The following STPG2 variants were observed in gnomAD, a reference collection of about 807,000 sequenced individuals.
The protein encoded by STPG2 is sperm tail PG-rich repeat containing 2, also known as sperm-tail PG-rich repeat-containing protein 2.
STPG2 carries 56 observed loss-of-function variants against 54.2 expected under a neutral mutation model. That is an observed-to-expected ratio of 1.03 (90% CI 0.83 to 1.29). STPG2 has a LOEUF of 1.29. STPG2 is among the 50% of genes most tolerant of loss of function. The pLI, the probability that STPG2 is intolerant of heterozygous loss-of-function variation, is 0.00. For synonymous variants in STPG2, 200 were observed against 181.8 expected (o/e 1.10, Z -0.81); for missense variants, 596 against 544.9 (o/e 1.09, Z -0.93).
intron 5 of STPG2, among the ~76,000 whole-genome samples, chr4:98,062,727 A>G (rs956819565): frequency 2.0e-5 from 3 of 152,096 alleles, no homozygotes; most frequent in African/African-American, 4.8e-5. Context: ...GAATTAAAAG[A>G]AGATGATGGT....
At chr4:98,085,418 C>T (rs1425292597) in intron 5 of STPG2, among the ~76,000 whole-genome samples, 1 of 152,038 alleles carries the variant, frequency 6.6e-6, no homozygotes, top group Non-Finnish European at 1.5e-5. Flanking sequence ...TCTGCAAAAA[C>T]TTCTGCTAGG....
intron 5 of STPG2, among the ~76,000 whole-genome samples, chr4:98,060,123 T>A (rs1270427890): frequency 1.3e-5 from 2 of 152,136 alleles, no homozygotes; most frequent in Non-Finnish European, 2.9e-5. Flanking sequence ...AGACAGGAAG[T>A]CAAACTATCT....
intron 8 of STPG2, among the ~76,000 whole-genome samples, chr4:97,907,189 G>A (rs1731465779): frequency 1.3e-5 from 2 of 151,638 alleles, no homozygotes; most frequent in Admixed American, 6.6e-5. Flanking sequence ...CAAAATCAAT[G>A]TACAAAAATC....
chr4:98,089,223 GT>G (rs1738613636), intron 5 of STPG2, among the ~76,000 whole-genome samples: 1 of 151,894 alleles, frequency 6.6e-6, no homozygotes, highest in African/African-American at 2.4e-5. Context: ...TACCCTCTGA[GT>G]CCCCAAAGTC....
intron 4 of STPG2, among the ~76,000 whole-genome samples, chr4:97,538,233 A>G (rs1731587738): frequency 6.6e-6 from 1 of 152,210 alleles, no homozygotes; most frequent in Non-Finnish European, 1.5e-5. Context: ...GCTTCAGACA[A>G]TCAAACTTCT....
intron 10 of STPG2, among the ~76,000 whole-genome samples, chr4:97,599,996 C>A (rs560753461): frequency 6.6e-6 from 1 of 152,116 alleles, no homozygotes; most frequent in South Asian, 2.1e-4. Flanking sequence ...CACAGAAAAC[C>A]AAATAGTGCA....
chr4:97,880,359 T>C, intron 8 of STPG2, among the ~76,000 whole-genome samples: 1 of 152,184 alleles, frequency 6.6e-6, no homozygotes. Flanking sequence ...AAATAGCAAC[T>C]GGCAAAGACA....
At chr4:97,973,471 CA>C (rs909784915) in intron 6 of STPG2, among the ~76,000 whole-genome samples, 1 of 152,116 alleles carries the variant, frequency 6.6e-6, no homozygotes, top group African/African-American at 2.4e-5. Context: ...GATAGAAAAA[CA>C]AAAACCCATT....
At chr4:97,686,295 T>C (rs999522672) in intron 10 of STPG2, among the ~76,000 whole-genome samples, 9 of 152,022 alleles carry the variant, frequency 5.9e-5, no homozygotes, top group African/African-American at 1.7e-4. Context: ...GACTCAATTG[T>C]CTATTGATCC....
chr4:97,757,289 C>G (rs990050979), intron 9 of STPG2, among the ~76,000 whole-genome samples: 1 of 152,132 alleles, frequency 6.6e-6, no homozygotes, highest in African/African-American at 2.4e-5. Flanking sequence ...ACCTTCCCCC[C>G]ATATAAAGTT....
At chr4:97,822,251 A>G (rs1728117031) in intron 9 of STPG2, among the ~76,000 whole-genome samples, 2 of 152,246 alleles carry the variant, frequency 1.3e-5, no homozygotes, top group Non-Finnish European at 2.9e-5. Flanking sequence ...GCTAAGGCAT[A>G]ACATGAGTTA....
chr4:97,663,942 T>G (rs1406189531), intron 10 of STPG2, among the ~76,000 whole-genome samples: 1 of 152,166 alleles, frequency 6.6e-6, no homozygotes, highest in Admixed American at 6.5e-5. Flanking sequence ...GCACCCTACA[T>G]GCAAAATTTC....
intron 8 of STPG2, among the ~76,000 whole-genome samples, chr4:97,857,610 T>C (rs986735529): frequency 2.0e-5 from 3 of 152,120 alleles, no homozygotes; most frequent in Admixed American, 6.6e-5. Context: ...GTCTCCTGGA[T>C]TCATTCATTT....
intron 9 of STPG2, among the ~76,000 whole-genome samples, chr4:97,788,944 A>C (rs1726910027): frequency 6.6e-6 from 1 of 152,006 alleles, no homozygotes; most frequent in Admixed American, 6.6e-5. Context: ...CTAACTCTTA[A>C]AAATAATTAG....
At chr4:97,468,166 C>A (rs1257551321) in intron 4 of STPG2, among the ~76,000 whole-genome samples, 1 of 151,940 alleles carries the variant, frequency 6.6e-6, no homozygotes, top group African/African-American at 2.4e-5. Flanking sequence ...TCAGTTAGTA[C>A]ACAAAATATT....
chr4:97,864,076 T>G (rs1211711042), intron 8 of STPG2, among the ~76,000 whole-genome samples: 1 of 152,114 alleles, frequency 6.6e-6, no homozygotes, highest in Non-Finnish European at 1.5e-5. Context: ...CTATTCAACA[T>G]AGTGTTGGAA....
intron 10 of STPG2, among the ~76,000 whole-genome samples, chr4:97,661,883 G>A (rs1722385476): frequency 6.6e-6 from 1 of 152,084 alleles, no homozygotes. Context: ...CAAGAATGGT[G>A]GATTATAAGA....
intron 9 of STPG2, among the ~76,000 whole-genome samples, chr4:97,721,856 C>T (rs1470041066): frequency 6.6e-6 from 1 of 151,976 alleles, no homozygotes; most frequent in African/African-American, 2.4e-5. Flanking sequence ...AACATTTAAA[C>T]AACCAATATC....
chr4:97,988,061 CACACAT>C lies in STPG2; in HGVS notation c.613-6749_613-6744del, dbSNP rs1440011324. 4.9e-4 allele frequency among the ~76,000 whole-genome samples: 75 copies of C among 151,804 alleles called. 1 individual carries two copies. The highest frequency in any genetic ancestry group is 2.8e-3 in the Admixed American group (43 of 15,206). The stretch of plus-strand genomic sequence containing the variant: ...ACACACACACACACACACACACACA[CACACAT>C]ATTACCTCTCTAACCTCATCTCCTA... On this transcript the variant is annotated intron_variant, in intron 5 of 10. Transcript: ENST00000295268.
Sources: gnomAD v4.1 joint callset for allele counts (sites outside exome capture counted in the v4.1 genomes callset) on GRCh38, gnomAD v4.1.1 for gene constraint, MANE v1.5 for transcripts, NCBI Gene and HGNC (gene_info 2026-07-23, HGNC 2026-07-21) for gene names.